GLIS3: variants seen among roughly 807,000 people sequenced by gnomAD.
GLIS3 encodes the protein GLIS family zinc finger 3, also known as zinc finger protein GLIS3.
GLIS3 carries 53 observed loss-of-function variants against 78.6 expected under a neutral mutation model. The ratio of observed to expected loss-of-function variants is 0.67; its 90% CI spans 0.54 to 0.85. The LOEUF (loss-of-function observed/expected upper bound fraction) is 0.85. GLIS3 is among the 40% of genes least tolerant of loss of function. The pLI is 0.00. For missense variants in GLIS3, 1,703 were observed against 1,231.1 expected, an observed-to-expected ratio of 1.38 and a Z score of -5.74; for synonymous variants, 684 against 509.9, an observed-to-expected ratio of 1.34 and a Z score of -4.60.
Position 3,825,252 on chromosome 9 carries a change from T to C in GLIS3, c.*3020A>G, listed in dbSNP as rs1375899603. The stretch of plus-strand genomic sequence containing the variant: ...TAAAGACCTTTTTTTTTCTTCTTAT[T>C]TTATGATCGCTTATGTAATTTGAGG... On this transcript the variant is annotated 3_prime_UTR_variant, in exon 11 of 11. Coordinates refer to ENST00000381971, the MANE Select transcript of GLIS3 (RefSeq NM_001042413.2). The C allele has an allele frequency of 6.6e-6, 1 of 152,188 alleles. No individual in the cohort carries two copies. The highest frequency in any genetic ancestry group is 1.5e-5 in the Non-Finnish European group (1 of 68,048). 9.4% of individuals were successfully genotyped at this position (152,188 alleles called of 1,614,324 possible). A position where few individuals can be genotyped will look rare whatever the true frequency, so the allele number is the denominator to read the frequency against.
At chr9:4,166,937 A>G (rs1356541159) in intron 2 of GLIS3, among the ~76,000 whole-genome samples, 1 of 152,248 alleles carries the variant, frequency 6.6e-6, no homozygotes, top group Non-Finnish European at 1.5e-5. Flanking sequence ...CCAAGGTTAA[A>G]AACAAAAAGT....
intron 2 of GLIS3, among the ~76,000 whole-genome samples, chr9:4,281,013 A>G (rs1343733170): frequency 6.6e-6 from 1 of 152,246 alleles, no homozygotes; most frequent in Non-Finnish European, 1.5e-5. Flanking sequence ...AGAAACACCT[A>G]AAGTTGCATT....
intron 4 of GLIS3, among the ~76,000 whole-genome samples, chr9:4,083,863 T>G (rs10814831): frequency 6.6e-6 from 1 of 152,076 alleles, no homozygotes; most frequent in African/African-American, 2.4e-5. Flanking sequence ...CATCAATAAT[T>G]TCTGGTTTCA....
chr9:4,086,616 C>T (rs182740589), intron 4 of GLIS3, among the ~76,000 whole-genome samples: 9 of 152,274 alleles, frequency 5.9e-5, no homozygotes, highest in Non-Finnish European at 8.8e-5. Flanking sequence ...GGAAGGATGA[C>T]GGAATGTGTT....
chr9:3,947,667 CA>C (rs1438400860), intron 4 of GLIS3, among the ~76,000 whole-genome samples: 3 of 152,046 alleles, frequency 2.0e-5, no homozygotes, highest in Admixed American at 2.0e-4. Context: ...GAGTTTATTC[CA>C]AAAAACGGAG....
chr9:4,480,446 C>A, the GLIS3 span, among the ~76,000 whole-genome samples: 1 of 151,976 alleles, frequency 6.6e-6, no homozygotes, highest in African/African-American at 2.4e-5. Flanking sequence ...AGTGATCCTC[C>A]CTTTATGGCC....
At chr9:4,296,581 T>C (rs181726468) in intron 1 of GLIS3, among the ~76,000 whole-genome samples, 2 of 152,176 alleles carry the variant, frequency 1.3e-5, no homozygotes, top group Admixed American at 1.3e-4. Context: ...ACCTGCCTAC[T>C]AAGGAACTTC....
At chr9:4,397,061 T>C in the GLIS3 span, among the ~76,000 whole-genome samples, 1 of 143,924 alleles carries the variant, frequency 6.9e-6, no homozygotes, top group Non-Finnish European at 1.5e-5. Flanking sequence ...AGTCTCGCTC[T>C]GTCTCCCAGG....
Position 3,856,069 on chromosome 9 carries a change from G to GGT in GLIS3, c.2411_2412dup (p.Leu805ThrfsTer2). The GGT allele has an allele frequency of 6.2e-7, 1 of 1,614,196 alleles. No individual in the cohort carries two copies. Among genetic ancestry groups the GGT allele is most frequent in the Non-Finnish European group, 8.5e-7 (1 of 1,180,020 alleles). ...TTTGTTTCTGGCTGATAGGACTTCAGGTGTGAACCTGATGGCTGCTGGGTA... is the reference window on the plus strand; with the variant it reads ...TTTGTTTCTGGCTGATAGGACTTCAGGTGTGTGAACCTGATGGCTGCTGGGTA... On this transcript the variant is annotated frameshift_variant, in exon 9 of 11. Transcript: ENST00000381971. LOFTEE classifies it high-confidence loss of function.
chr9:4,086,882 CCA>C (rs1829076376), intron 4 of GLIS3, among the ~76,000 whole-genome samples: 1 of 152,212 alleles, frequency 6.6e-6, no homozygotes, highest in South Asian at 2.1e-4. Flanking sequence ...GTAGCATTCT[CCA>C]CAGTCTAACT....
At chr9:4,244,735 C>T (rs1458403133) in intron 2 of GLIS3, among the ~76,000 whole-genome samples, 2 of 152,000 alleles carry the variant, frequency 1.3e-5, no homozygotes, top group East Asian at 3.9e-4. Flanking sequence ...CCACCACACC[C>T]AGCTAATTTT....
intron 4 of GLIS3, among the ~76,000 whole-genome samples, chr9:4,073,554 T>C (rs754599792): frequency 4.9e-4 from 74 of 152,072 alleles, no homozygotes; most frequent in Non-Finnish European, 4.9e-4. Flanking sequence ...AGCTAAGAAA[T>C]ACAACGCACA....
At chr9:3,978,740 T>C (rs887824184) in intron 4 of GLIS3, among the ~76,000 whole-genome samples, 1 of 152,138 alleles carries the variant, frequency 6.6e-6, no homozygotes, top group African/African-American at 2.4e-5. Context: ...GAATAAATTA[T>C]CTTAGGATAA....
rs116477151 is a variant in GLIS3 at position 4,265,754 on chromosome 9, G to A, written c.388+20284C>T. Among the ~76,000 whole-genome samples, 427 of 152,260 alleles carry A rather than the reference G, an allele frequency of 2.8e-3. 1 individual carries two copies. Among genetic ancestry groups the A allele is most frequent in the African/African-American group, 9.7e-3 (404 of 41,534 alleles). On this transcript the variant is annotated intron_variant, in intron 2 of 10. Transcript: ENST00000381971. The stretch of plus-strand genomic sequence containing the variant: ...TGAGGCATCAAATGGAACTTCTGTC[G>A]TGCCATTTCATCATCATATTACCCA...
chr9:4,080,493 T>A (rs992718014), intron 4 of GLIS3, among the ~76,000 whole-genome samples: 3 of 152,330 alleles, frequency 2.0e-5, no homozygotes, highest in South Asian at 4.1e-4. Flanking sequence ...GATTTAATAC[T>A]GCCCTGTTGT....
chr9:4,121,763 A>G (rs1832208551), intron 3 of GLIS3, among the ~76,000 whole-genome samples: 1 of 152,146 alleles, frequency 6.6e-6, no homozygotes, highest in South Asian at 2.1e-4. Flanking sequence ...TGTATCCCAC[A>G]TGTCACCCAC....
the GLIS3 span, among the ~76,000 whole-genome samples, chr9:4,367,054 A>G: frequency 1.3e-5 from 2 of 152,242 alleles, no homozygotes; most frequent in Non-Finnish European, 2.9e-5. Flanking sequence ...GCCTTTATCT[A>G]TACCTTTCCA....
chr9:4,322,753 G>A (rs1403320984), intron 2 of GLIS3, among the ~76,000 whole-genome samples: 1 of 152,038 alleles, frequency 6.6e-6, no homozygotes, highest in African/African-American at 2.4e-5. Context: ...CTTTTTGATG[G>A]GGTTGTTTGA....
intron 2 of GLIS3, among the ~76,000 whole-genome samples, chr9:4,239,245 C>G (rs1289889381): frequency 1.3e-5 from 2 of 149,986 alleles, no homozygotes; most frequent in Non-Finnish European, 1.5e-5. Context: ...TGCAGCACAC[C>G]AACATGGCAC....
Sources: gnomAD v4.1 joint callset for allele counts (sites outside exome capture counted in the v4.1 genomes callset) on GRCh38, gnomAD v4.1.1 for gene constraint, MANE v1.5 for transcripts, NCBI Gene and HGNC (gene_info 2026-07-23, HGNC 2026-07-21) for gene names.